GYG1: variants seen among roughly 807,000 people sequenced by gnomAD.
GYG1 encodes the protein glycogenin 1, also known as glycogenin-1.
In GYG1, 44 loss-of-function variants were observed where a neutral mutation model predicts 41.9. The observed-to-expected ratio is 1.05, with a 90% CI of 0.83 to 1.35. The LOEUF (loss-of-function observed/expected upper bound fraction) is 1.35. Among genes scored for constraint, GYG1 ranks in the 40% most tolerant of loss-of-function variants. The pLI, the probability that GYG1 is intolerant of heterozygous loss-of-function variation, is 0.00. For synonymous variants in GYG1, 141 were observed against 158.1 expected (o/e 0.89, Z 0.81); for missense variants, 429 against 418.9 (o/e 1.02, Z -0.21).
intron 5 of GYG1, among the ~76,000 whole-genome samples, chr3:149,015,817 T>C (rs1387700625): frequency 2.6e-5 from 4 of 151,998 alleles, no homozygotes; most frequent in African/African-American, 7.3e-5. Context: ...TGTGTAAAGA[T>C]AGATGTCACC....
At chr3:149,019,915 G>C (rs3772566) in intron 5 of GYG1, among the ~76,000 whole-genome samples, 3 of 152,220 alleles carry the variant, frequency 2.0e-5, no homozygotes, top group African/African-American at 7.2e-5. Flanking sequence ...GCTGGGATAC[G>C]GACAGAGCCA....
chr3:149,009,475 C>T (rs1436533869), intron 5 of GYG1, 73 bp downstream of exon 5: 8 of 1,390,652 alleles, frequency 5.8e-6, no homozygotes, highest in Non-Finnish European at 7.2e-6. Context: ...TTTGGGGCTG[C>T]TTCATTGTCA....
Position 148,996,748 on chromosome 3 carries a change from G to T in GYG1, c.325G>T (p.Ala109Ser). 6.2e-7 allele frequency: 1 copy of T among 1,613,840 alleles called. No individual in the cohort carries two copies. Among genetic ancestry groups the T allele is most frequent in the Non-Finnish European group, 8.5e-7 (1 of 1,179,720 alleles). ...VFMDADTLVL[A>S]NIDDLFDREE... is the part of the protein sequence containing the mutation. ...CTTTCTCCCCTTTGATCAGGTCCTA[G>T]CAAATATTGATGATCTTTTTGACAG... The change falls in exon 4 of 8, where the codon GCA becomes TCA. Residue 109 changes from alanine to serine, a missense_variant. Physicochemically the swap from Ala to Ser is moderately conservative, Grantham distance 99. Transcript: ENST00000345003.
At position 149,009,293 on chromosome 3, in the gene GYG1, C is replaced by T. The variant is rs551623234; in HGVS notation, c.499C>T (p.Leu167=). ...TCTTTTAGGTGGGGACCAAGGCATA[C>T]TGAACACATTTTTTAGCAGCTGGGC... ...GSFDGGDQGI[L]NTFFSSWATT... is the part of the protein sequence containing the mutation. Residue 167 remains leucine (L), a synonymous_variant, in exon 5 of 8, where the codon CTG becomes TTG. Coordinates refer to ENST00000345003, the MANE Select transcript of GYG1 (RefSeq NM_004130.4). 5.0e-5 allele frequency: 81 copies of T among 1,612,670 alleles called. 2 individuals carry two copies. The South Asian group carries it at 8.7e-4, about 17-fold the overall frequency.
Position 149,029,489 on chromosome 3 carries a change from AC to A in GYG1, c.*2559del, listed in dbSNP as rs145927542. ...GTTTGTTTACCTTAATTCTCCTTAT[AC>A]CCATATTGTCCTGCTGTATAACACA... is the stretch of plus-strand genomic sequence containing the variant. On this transcript the variant is annotated 3_prime_UTR_variant, in exon 8 of 8. Transcript: ENST00000345003. 0.024 allele frequency among the ~76,000 whole-genome samples: 3,603 copies of A among 152,266 alleles called. 99 individuals carry two copies. Among genetic ancestry groups the A allele is most frequent in the African/African-American group, 0.065 (2,695 of 41,544 alleles).
rs188162667 is a variant in GYG1 at position 149,012,705 on chromosome 3, A to G, written c.608+3303A>G. 3.3e-5 allele frequency among the ~76,000 whole-genome samples: 5 copies of G among 151,630 alleles called. No homozygotes were observed. In the Admixed American group the frequency reaches 3.3e-4, roughly 10 times the overall value. The stretch of plus-strand genomic sequence containing the variant: ...GACTACTCAAATATAAAAAAACAGA[A>G]TTAGTATTTTTTTTTTGTAAGGGAA... On this transcript the variant is annotated intron_variant, in intron 5 of 7. Coordinates refer to ENST00000345003, the MANE Select transcript of GYG1 (RefSeq NM_004130.4).
In GYG1 at chr3:149,027,079, A is replaced by G; in HGVS notation, c.*146A>G. 1.2e-6 allele frequency: 1 copy of G among 801,288 alleles called. No homozygotes were observed. Among genetic ancestry groups the G allele is most frequent in the Non-Finnish European group, 2.0e-6 (1 of 492,136 alleles). 49.6% of individuals were successfully genotyped at this position (801,288 alleles called of 1,614,324 possible). On this transcript the variant is annotated 3_prime_UTR_variant, in exon 8 of 8. Transcript: ENST00000345003. ...AGATGAGAGGCTTTTTTAGGATAAG[A>G]GGTGAGAACTGGGCAAAAGTTGTGA...
chr3:149,026,595 AT>A (rs1714664417), intron 7 of GYG1, 93 bp downstream of exon 7: 1 of 1,030,278 alleles, frequency 9.7e-7, no homozygotes, highest in South Asian at 1.3e-5. Context: ...AAAAAATCAT[AT>A]AATCTATATT....
intron 5 of GYG1, among the ~76,000 whole-genome samples, chr3:149,014,477 G>T (rs1204493212): frequency 6.6e-6 from 1 of 152,078 alleles, no homozygotes; most frequent in Non-Finnish European, 1.5e-5. Context: ...CATGAGGATT[G>T]AGTGGAAGAA....
At chr3:149,011,172 G>A in intron 5 of GYG1, among the ~76,000 whole-genome samples, 1 of 152,262 alleles carries the variant, frequency 6.6e-6, no homozygotes, top group African/African-American at 2.4e-5. Context: ...AGGATTCACT[G>A]TCAAGGGAGG....
intron 5 of GYG1, among the ~76,000 whole-genome samples, chr3:149,012,670 C>G (rs1286552387): frequency 1.3e-5 from 2 of 151,920 alleles, no homozygotes; most frequent in Non-Finnish European, 2.9e-5. Flanking sequence ...ATAGTTTTAT[C>G]ACTTCGAATG....
intron 4 of GYG1, among the ~76,000 whole-genome samples, chr3:149,000,388 A>G (rs1220846061): frequency 6.6e-6 from 1 of 152,222 alleles, no homozygotes; most frequent in Admixed American, 6.5e-5. Flanking sequence ...AAATAGTTCT[A>G]CACTAGTATT....
At chr3:149,016,945 A>G (rs1439649058) in intron 5 of GYG1, among the ~76,000 whole-genome samples, 3 of 152,176 alleles carry the variant, frequency 2.0e-5, no homozygotes, top group Non-Finnish European at 4.4e-5. Context: ...AGGATGCTTG[A>G]CATTGCTGCC....
At chr3:148,994,025 G>A in intron 1 of GYG1, 117 bp from the exon 2 acceptor site, 2 of 877,536 alleles carry the variant, frequency 2.3e-6, no homozygotes, top group African/African-American at 1.7e-5. Flanking sequence ...GATTCATAGA[G>A]AAAGTTGATG....
chr3:149,024,072 G>A lies in GYG1; in HGVS notation c.628G>A (p.Val210Ile), dbSNP rs1714514483. The change falls in exon 6 of 8, where the codon GTT becomes ATT. Residue 210 changes from valine (V) to isoleucine (I), a missense_variant. Val to Ile is a conservative substitution (Grantham distance 29, BLOSUM62 3). Transcript: ENST00000345003. ...AFKVFGASAK[V>I]VHFLGRVKPW... ...TGGCAGGTTTGGTGCAAGTGCCAAA[G>A]TTGTGCATTTCCTGGGACGAGTCAA... is the stretch of plus-strand genomic sequence containing the variant. 1 of 1,614,048 alleles carries A rather than the reference G, an allele frequency of 6.2e-7. No homozygotes were observed. The highest frequency in any genetic ancestry group is 1.7e-5 in the Admixed American group (1 of 60,004).
Position 149,026,960 on chromosome 3 carries a change from T to C in GYG1, c.*27T>C, listed in dbSNP as rs1431068193. On this transcript the variant is annotated 3_prime_UTR_variant, in exon 8 of 8. Coordinates refer to ENST00000345003, the MANE Select transcript of GYG1 (RefSeq NM_004130.4). ...AACACTGCATTTTTCTGTGAACACA[T>C]CCACTTCACAAGCCTTGTTTCTGAT... is the stretch of plus-strand genomic sequence containing the variant. 1 of 1,609,402 alleles carries C rather than the reference T, an allele frequency of 6.2e-7. No individual in the cohort carries two copies. The highest frequency in any genetic ancestry group is 8.5e-7 in the Non-Finnish European group (1 of 1,175,728).
intron 6 of GYG1, among the ~76,000 whole-genome samples, chr3:149,025,856 T>TA (rs1419987803): frequency 6.6e-6 from 1 of 152,110 alleles, no homozygotes; most frequent in African/African-American, 2.4e-5. Context: ...TATTTTAAGT[T>TA]ATGTCCAGTA....
intron 6 of GYG1, among the ~76,000 whole-genome samples, chr3:149,025,252 CCA>C (rs1714588772): frequency 6.6e-6 from 1 of 152,154 alleles, no homozygotes; most frequent in African/African-American, 2.4e-5. Flanking sequence ...TAAAACTGTT[CCA>C]CCTCAGATCA....
rs1165803668 is a variant in GYG1, at chr3:149,029,143, A to AAAC, written c.*2212_*2214dup. Among the ~76,000 whole-genome samples the AAAC allele has an allele frequency of 2.6e-5, 4 of 152,230 alleles. No individual in the cohort carries two copies. The highest frequency in any genetic ancestry group is 9.6e-5 in the African/African-American group (4 of 41,462). On this transcript the variant is annotated 3_prime_UTR_variant, in exon 8 of 8. Transcript: ENST00000345003. ...TATTTGGCTAGAAAATCACTGAACT[A>AAAC]AACATTCTTTTCCTTCTATGATCTA...
Sources: gnomAD v4.1 joint callset for allele counts (sites outside exome capture counted in the v4.1 genomes callset) on GRCh38, gnomAD v4.1.1 for gene constraint, MANE v1.5 for transcripts, NCBI Gene and HGNC (gene_info 2026-07-23, HGNC 2026-07-21) for gene names.